The following SRGAP2 variants were observed in gnomAD, a reference collection of about 807,000 sequenced individuals.
The protein encoded by SRGAP2 is SLIT-ROBO Rho GTPase activating protein 2.
A neutral mutation model predicts 57.2 loss-of-function variants in SRGAP2; 15 were observed. That is an observed-to-expected ratio of 0.26 (90% CI 0.18 to 0.40). SRGAP2 has a LOEUF of 0.40. SRGAP2 is among the 10% of genes least tolerant of loss of function. The pLI is 1.00. For missense variants in SRGAP2, 520 were observed against 669.6 expected, an observed-to-expected ratio of 0.78 and a Z score of 2.47; for synonymous variants, 249 against 248.0, an observed-to-expected ratio of 1.00 and a Z score of -0.04.
intron 10 of SRGAP2, among the ~76,000 whole-genome samples, chr1:206,415,306 C>T (rs189631766): frequency 1.5e-4 from 23 of 152,286 alleles, no homozygotes; most frequent in South Asian, 1.5e-3. Flanking sequence ...GTATGCAAGT[C>T]GGGGATGTCA....
intron 13 of SRGAP2, among the ~76,000 whole-genome samples, chr1:206,423,408 A>G (rs572984722): frequency 6.6e-6 from 1 of 152,296 alleles, no homozygotes; most frequent in African/African-American, 2.4e-5. Flanking sequence ...TTTTGAGTCC[A>G]ATGAGTAATT....
intron 4 of SRGAP2, among the ~76,000 whole-genome samples, chr1:206,378,754 A>G (rs1486987461): frequency 6.6e-6 from 1 of 152,178 alleles, no homozygotes; most frequent in Admixed American, 6.5e-5. Context: ...TAGCTAAAGG[A>G]TTATAAATGC....
chr1:206,259,779 T>C (rs1553313175), intron 2 of SRGAP2, among the ~76,000 whole-genome samples: 1 of 146,334 alleles, frequency 6.8e-6, no homozygotes, highest in Non-Finnish European at 1.5e-5. Flanking sequence ...TATTAAATAT[T>C]ATTAAATATT....
intron 17 of SRGAP2, among the ~76,000 whole-genome samples, chr1:206,442,972 A>G (rs1553372601): frequency 6.6e-6 from 1 of 152,184 alleles, no homozygotes; most frequent in Non-Finnish European, 1.5e-5. Context: ...TGTCAATCTC[A>G]AGGAACCAAA....
At chr1:206,375,579 TTAGGA>T (rs1553344265) in intron 4 of SRGAP2, among the ~76,000 whole-genome samples, 1 of 152,142 alleles carries the variant, frequency 6.6e-6, no homozygotes, top group African/African-American at 2.4e-5. Flanking sequence ...TTTCTTAGTA[TTAGGA>T]TAGGTCATTC....
intron 17 of SRGAP2, among the ~76,000 whole-genome samples, chr1:206,444,241 A>G (rs1438880103): frequency 1.3e-5 from 2 of 152,122 alleles, no homozygotes; most frequent in African/African-American, 4.8e-5. Context: ...TGTATATTGG[A>G]AAAGAAAAAT....
chr1:206,363,210 T>A (rs1553340928), intron 4 of SRGAP2, among the ~76,000 whole-genome samples: 2 of 151,306 alleles, frequency 1.3e-5, no homozygotes, highest in African/African-American at 4.9e-5. Context: ...GCGATGAGGC[T>A]GAGGAGGTGG....
At chr1:206,266,245 C>CTTT (rs1212555147) in intron 2 of SRGAP2, among the ~76,000 whole-genome samples, 1 of 142,036 alleles carries the variant, frequency 7.0e-6, no homozygotes, top group African/African-American at 2.6e-5. Context: ...CTCTATGTTT[C>CTTT]TTTTTTTTTT....
At chr1:206,325,269 G>GAGAACAATACTTTCAC (rs1242454481) in intron 3 of SRGAP2, among the ~76,000 whole-genome samples, 10 of 152,010 alleles carry the variant, frequency 6.6e-5, no homozygotes, top group African/African-American at 2.4e-4. Flanking sequence ...ATAAATAGCT[G>GAGAACAATACTTTCAC]AGAACAATAC....
intron 13 of SRGAP2, among the ~76,000 whole-genome samples, chr1:206,427,688 A>G (rs1040258496): frequency 6.6e-6 from 1 of 152,202 alleles, no homozygotes; most frequent in African/African-American, 2.4e-5. Context: ...ACACAGACCC[A>G]TCGCACTTGA....
At position 206,461,900 on chromosome 1, in the gene SRGAP2, T is replaced by TACACACACACACAC. The variant is rs3833477; in HGVS notation, c.*496_*509dup. ...ACATATTTTACACACACACACATTTTACACACACACACACACACACACACA... is the reference window on the plus strand; with the variant it reads ...ACATATTTTACACACACACACATTTTACACACACACACACACACACACACACACACACACACACA... On this transcript the variant is annotated 3_prime_UTR_variant, in exon 23 of 23. Transcript: ENST00000573034. The TACACACACACACAC allele has an allele frequency of 2.0e-5, 3 of 151,538 alleles. No individual in the cohort carries two copies. The highest frequency in any genetic ancestry group is 7.3e-5 in the African/African-American group (3 of 40,832). 9.4% of individuals were successfully genotyped at this position (151,538 alleles called of 1,614,324 possible).
rs551718907 is a variant in SRGAP2, at chr1:206,215,458, A to AT, written c.67+9431dup. 7.7e-3 allele frequency among the ~76,000 whole-genome samples: 1,148 copies of AT among 149,654 alleles called. 3 individuals are homozygous for AT. The highest frequency in any genetic ancestry group is 0.045 in the Middle Eastern group (13 of 292). ...TCACCAGAGTGATTTTTAAAAACTCATTTTTTTTTTGCTAACATCGTAGCA... is the reference window on the plus strand; with the variant it reads ...TCACCAGAGTGATTTTTAAAAACTCATTTTTTTTTTTGCTAACATCGTAGCA... On this transcript the variant is annotated intron_variant, in intron 2 of 22. Coordinates refer to ENST00000573034, the MANE Select transcript of SRGAP2 (RefSeq NM_015326.5).
At chr1:206,438,861 T>A (rs1662016568) in intron 16 of SRGAP2, among the ~76,000 whole-genome samples, 1 of 152,238 alleles carries the variant, frequency 6.6e-6, no homozygotes, top group African/African-American at 2.4e-5. Flanking sequence ...TCATACCTGC[T>A]GAGTTTCCAG....
intron 11 of SRGAP2, among the ~76,000 whole-genome samples, chr1:206,416,611 C>T (rs1272700370): frequency 2.0e-5 from 3 of 152,200 alleles, no homozygotes; most frequent in Non-Finnish European, 2.9e-5. Flanking sequence ...TGGACCGGCA[C>T]TCTGGACTTT....
Position 206,458,657 on chromosome 1 carries a change from A to G in SRGAP2, c.2542A>G (p.Lys848Glu). ...RKRPESGSIR[K>E]TFRSDSHGLS... ...GCGTCCAGAATCTGGGAGCATCCGG[A>G]AAACTTTTCGGAGTGACAGCCATGG... The change falls in exon 22 of 23, where the codon AAA becomes GAA. Residue 848 changes from lysine to glutamate, a missense_variant. By Grantham distance (56) the Lys-to-Glu change is moderately conservative. This residue lies in a region of SRGAP2 where 478 missense variants were observed against 373.6 expected (regional missense o/e 1.28). Coordinates refer to ENST00000573034, the MANE Select transcript of SRGAP2 (RefSeq NM_015326.5). 1 of 770,658 alleles carries G rather than the reference A, an allele frequency of 1.3e-6. No homozygotes were observed. Among genetic ancestry groups the G allele is most frequent in the East Asian group, 2.4e-5 (1 of 40,926 alleles). 47.7% of individuals were successfully genotyped at this position (770,658 alleles called of 1,614,324 possible).
At chr1:206,367,350 G>T (rs1553341836) in intron 4 of SRGAP2, among the ~76,000 whole-genome samples, 1 of 152,104 alleles carries the variant, frequency 6.6e-6, no homozygotes, top group East Asian at 1.9e-4. Context: ...TATAAGATTA[G>T]GAGAATACAG....
At chr1:206,430,578 A>T (rs1426242857) in intron 14 of SRGAP2, among the ~76,000 whole-genome samples, 2 of 152,228 alleles carry the variant, frequency 1.3e-5, no homozygotes, top group African/African-American at 2.4e-5. Context: ...CCCACTGTAC[A>T]GCCTGACCAT....
chr1:206,326,784 G>A (rs1241397268), intron 3 of SRGAP2, among the ~76,000 whole-genome samples: 16 of 152,156 alleles, frequency 1.1e-4, no homozygotes, highest in South Asian at 4.1e-4. Flanking sequence ...TGATTCTTTC[G>A]TTTAAAGTCT....
chr1:206,262,310 T>G (rs1669606354), intron 2 of SRGAP2, among the ~76,000 whole-genome samples: 2 of 150,170 alleles, frequency 1.3e-5, no homozygotes, highest in Non-Finnish European at 2.9e-5. Flanking sequence ...TTTGTTTTTT[T>G]TTTTTGAAAT....
Sources: allele counts gnomAD v4.1 joint callset (sites outside exome capture counted in the v4.1 genomes callset), GRCh38; gene constraint gnomAD v4.1.1; regional missense constraint gnomAD v4.1.1; transcripts MANE v1.5; gene names NCBI Gene and HGNC (gene_info 2026-07-23, HGNC 2026-07-21).